Variants in ABI3BP observed in about 807,000 individuals in gnomAD.
ABI3BP encodes ABI family member 3 binding protein, also known as target of Nesh-SH3.
In ABI3BP, 216 loss-of-function variants were observed where a neutral mutation model predicts 268.6. That is an observed-to-expected ratio of 0.80 (90% CI 0.72 to 0.90). The LOEUF (loss-of-function observed/expected upper bound fraction) is 0.90. Among genes scored for constraint, ABI3BP ranks in the 40% least tolerant of loss-of-function variants. The pLI, the probability that ABI3BP is intolerant of heterozygous loss-of-function variation, is 0.00. For missense variants in ABI3BP, 2,090 were observed against 2,182.4 expected (o/e 0.96, Z 0.84); for synonymous variants, 730 against 730.0 (o/e 1.00, Z 0.00).
At chr3:100,766,464 A>T (rs148851253) in intron 62 of ABI3BP, among the ~76,000 whole-genome samples, 1 of 152,354 alleles carries the variant, frequency 6.6e-6, no homozygotes, top group African/African-American at 2.4e-5. Context: ...CTAATCAAAT[A>T]ATAAACTCTA....
chr3:100,752,608 G>T (rs41272981), intron 66 of ABI3BP, 179 bp downstream of exon 66: 5 of 593,200 alleles, frequency 8.4e-6, no homozygotes, highest in East Asian at 2.8e-5. Context: ...CTAATAGCAT[G>T]TCTTAAATCC....
rs574988157 is a variant in ABI3BP, at chr3:100,944,070, C to T, written c.80-17589G>A. Among the ~76,000 whole-genome samples the T allele has an allele frequency of 1.1e-4, 16 of 152,200 alleles. No individual in the cohort carries two copies. In the South Asian group the frequency reaches 1.7e-3, roughly 16 times the overall value. On this transcript the variant is annotated intron_variant, in intron 1 of 67. Transcript: ENST00000471714. Reference sequence around the variant, plus strand: ...TCACTGAAAAGCTAAATACTGGACACTGATACTCAAGGTCTCTGACACCTT... The same window carrying T: ...TCACTGAAAAGCTAAATACTGGACATTGATACTCAAGGTCTCTGACACCTT...
intron 11 of ABI3BP, 81 bp from the exon 12 acceptor site, chr3:100,864,157 G>A (rs925243407): frequency 1.0e-5 from 9 of 895,552 alleles, no homozygotes; most frequent in South Asian, 9.8e-5. Context: ...TGCACAGCAA[G>A]CTTTGTAACA....
chr3:100,781,487 T>A (rs1328780216), intron 57 of ABI3BP, among the ~76,000 whole-genome samples: 1 of 152,162 alleles, frequency 6.6e-6, no homozygotes, highest in Non-Finnish European at 1.5e-5. Flanking sequence ...ACTAATCTCA[T>A]AGGCAGGCCA....
At chr3:100,796,280 T>A (rs2097343602) in intron 52 of ABI3BP, 129 bp downstream of exon 52, 1 of 673,334 alleles carries the variant, frequency 1.5e-6, no homozygotes, top group African/African-American at 1.9e-5. Context: ...ACAAGAAATA[T>A]GCATTTTATA....
chr3:100,797,517 A>G (rs2097380362), intron 51 of ABI3BP, among the ~76,000 whole-genome samples: 1 of 150,668 alleles, frequency 6.6e-6, no homozygotes, highest in Admixed American at 6.6e-5. Flanking sequence ...AAAAAAAATT[A>G]TGATTCAGGC....
At chr3:100,759,781 TTTC>T (rs1164693648) in intron 63 of ABI3BP, among the ~76,000 whole-genome samples, 1 of 152,188 alleles carries the variant, frequency 6.6e-6, no homozygotes, top group Non-Finnish European at 1.5e-5. Context: ...ATCAAGTCAA[TTTC>T]TTCTTCAACA....
intron 4 of ABI3BP, among the ~76,000 whole-genome samples, chr3:100,897,220 G>T (rs1192490906): frequency 6.6e-6 from 1 of 152,140 alleles, no homozygotes; most frequent in Non-Finnish European, 1.5e-5. Context: ...AGAATGTGGA[G>T]CAATCAGAGC....
chr3:100,977,169 A>G (rs1485116323), intron 1 of ABI3BP, among the ~76,000 whole-genome samples: 1 of 152,214 alleles, frequency 6.6e-6, no homozygotes, highest in Non-Finnish European at 1.5e-5. Context: ...CCATATGCCA[A>G]CAGATAAGAT....
intron 9 of ABI3BP, among the ~76,000 whole-genome samples, chr3:100,868,164 C>G (rs953061203): frequency 6.6e-6 from 1 of 152,162 alleles, no homozygotes; most frequent in Non-Finnish European, 1.5e-5. Context: ...TTTCAGAGTC[C>G]TAAGGCTATA....
At chr3:100,881,644 C>T (rs901226412) in intron 6 of ABI3BP, among the ~76,000 whole-genome samples, 8 of 144,404 alleles carry the variant, frequency 5.5e-5, no homozygotes, top group Non-Finnish European at 9.1e-5. Context: ...GTTTTACCTT[C>T]AAAAAAAAGA....
intron 1 of ABI3BP, among the ~76,000 whole-genome samples, chr3:100,949,446 A>T (rs1183356892): frequency 2.0e-5 from 3 of 152,072 alleles, no homozygotes; most frequent in Admixed American, 2.0e-4. Flanking sequence ...TGTTATTTTT[A>T]GTAGAAATGG....
Position 100,899,489 on chromosome 3 carries a change from A to G in ABI3BP, c.329-595T>C, listed in dbSNP as rs981181873. ...GAAAAGGCAAACACATTTTTTAACAATGATGGAAGAGTAGGGGTAACACAG... is the reference window on the plus strand; with the variant it reads ...GAAAAGGCAAACACATTTTTTAACAGTGATGGAAGAGTAGGGGTAACACAG... On this transcript the variant is annotated intron_variant, in intron 3 of 67. Transcript: ENST00000471714. Among the ~76,000 whole-genome samples, 8 of 152,350 alleles carry G rather than the reference A, an allele frequency of 5.3e-5. No homozygotes were observed. In the South Asian group the frequency reaches 1.7e-3, roughly 32 times the overall value.
chr3:100,922,766 G>T (rs1030574284), intron 2 of ABI3BP, among the ~76,000 whole-genome samples: 8 of 152,156 alleles, frequency 5.3e-5, no homozygotes, highest in Admixed American at 3.9e-4. Context: ...TGAGACCCAT[G>T]TTGGATTTCT....
At chr3:100,816,057 C>A (rs971711670) in intron 43 of ABI3BP, 86 bp from the exon 44 acceptor site, 2 of 1,016,262 alleles carry the variant, frequency 2.0e-6, no homozygotes, top group Admixed American at 3.0e-5. Flanking sequence ...ACATGAGTTT[C>A]AAATGATACA....
Position 100,768,337 on chromosome 3 carries a change from C to T in ABI3BP, c.4742-2388G>A, listed in dbSNP as rs368345707. Among the ~76,000 whole-genome samples, 54 of 152,256 alleles carry T rather than the reference C, an allele frequency of 3.5e-4. 1 individual carries two copies. The East Asian group carries it at 0.01, about 28-fold the overall frequency. Reference sequence around the variant, plus strand: ...TCTCCTGACCTCGTAATCCGCCCACCTCAGCCTCCCAGAGTGCTGGGATTA... The same window carrying T: ...TCTCCTGACCTCGTAATCCGCCCACTTCAGCCTCCCAGAGTGCTGGGATTA... On this transcript the variant is annotated intron_variant, in intron 62 of 67. Transcript: ENST00000471714.
chr3:100,837,345 T>A (rs1026993642), intron 26 of ABI3BP, 174 bp from the exon 27 acceptor site: 26 of 467,482 alleles, frequency 5.6e-5, no homozygotes, highest in Middle Eastern at 5.4e-4. Flanking sequence ...CAAATTAAAA[T>A]TTTATACTAA....
At chr3:100,967,142 T>G (rs933749352) in intron 1 of ABI3BP, among the ~76,000 whole-genome samples, 1 of 152,126 alleles carries the variant, frequency 6.6e-6, no homozygotes, top group African/African-American at 2.4e-5. Flanking sequence ...AGGTAAATCT[T>G]GTTGGATTCC....
Position 100,870,547 on chromosome 3 carries a change from G to A in ABI3BP, c.911-3591C>T, listed in dbSNP as rs558099104. 7.9e-5 allele frequency among the ~76,000 whole-genome samples: 12 copies of A among 152,254 alleles called. No homozygotes were observed. In the South Asian group the frequency reaches 2.3e-3, roughly 29 times the overall value. On this transcript the variant is annotated intron_variant, in intron 9 of 67. Coordinates refer to ENST00000471714, the MANE Select transcript of ABI3BP (RefSeq NM_001375547.2). Reference sequence around the variant, plus strand: ...TATTAAGCAAAACGATAAAAAATAGGTGTTGGCAAGGGTGTGGAGAAAAGG... The same window carrying A: ...TATTAAGCAAAACGATAAAAAATAGATGTTGGCAAGGGTGTGGAGAAAAGG...
Sources: gnomAD v4.1 joint callset for allele counts (sites outside exome capture counted in the v4.1 genomes callset) on GRCh38, gnomAD v4.1.1 for gene constraint, MANE v1.5 for transcripts, NCBI Gene and HGNC (gene_info 2026-07-23, HGNC 2026-07-21) for gene names.